AR: variants seen among roughly 807,000 people sequenced by gnomAD.
AR encodes the protein androgen receptor, also known as dihydrotestosterone receptor.
AR carries 8 observed loss-of-function variants against 53.9 expected under a neutral mutation model. The observed-to-expected ratio is 0.15, with a 90% CI of 0.09 to 0.27. The LOEUF (loss-of-function observed/expected upper bound fraction) is 0.27. AR is among the 10% of genes least tolerant of loss of function. The pLI, the probability that AR is intolerant of heterozygous loss-of-function variation, is 1.00. For missense variants in AR, 639 were observed against 742.5 expected (o/e 0.86, Z 1.62); for synonymous variants, 359 against 316.4 (o/e 1.13, Z -1.43).
chrX:67,702,847 G>A (rs2076048247), intron 3 of AR, among the ~76,000 whole-genome samples: 1 of 112,024 alleles, frequency 8.9e-6, no homozygotes, highest in South Asian at 3.7e-4. Flanking sequence ...ACTTTGGGAG[G>A]CCGAGATGGG....
rs1376562492 is a variant in AR at position 67,728,767 on chromosome X, C to T, written c.*4926C>T. 1 of 153,548 alleles carries T rather than the reference C, an allele frequency of 6.5e-6. No homozygotes were observed. The highest frequency in any genetic ancestry group is 9.5e-5 in the East Asian group (1 of 10,529). 12.7% of individuals were successfully genotyped at this position (153,548 alleles called of 1,213,427 possible). A position where few individuals can be genotyped will look rare whatever the true frequency, so the allele number is the denominator to read the frequency against. Reference sequence around the variant, plus strand: ...CAAGACACCTGGATTGATCAGTTAACTAAAAGTTTTCTCCCCTATTGGGTT... The same window carrying T: ...CAAGACACCTGGATTGATCAGTTAATTAAAAGTTTTCTCCCCTATTGGGTT... On this transcript the variant is annotated 3_prime_UTR_variant, in exon 8 of 8. Transcript: ENST00000374690.
intron 3 of AR, among the ~76,000 whole-genome samples, chrX:67,692,749 T>C (rs1602259948): frequency 1.8e-5 from 2 of 112,096 alleles, no homozygotes; most frequent in South Asian, 7.5e-4. Context: ...AGCCCTTCTT[T>C]TGTGGATGAA....
At chrX:67,643,745 T>G (rs185356762) in intron 2 of AR, among the ~76,000 whole-genome samples, 1 of 111,999 alleles carries the variant, frequency 8.9e-6, no homozygotes, top group African/African-American at 3.2e-5. Flanking sequence ...AAGGAAAAAT[T>G]TGTCCTTATT....
At chrX:67,705,873 C>T (rs1250047653) in intron 3 of AR, among the ~76,000 whole-genome samples, 1 of 111,484 alleles carries the variant, frequency 9.0e-6, no homozygotes, top group Non-Finnish European at 1.9e-5. Flanking sequence ...TGAATTTTGT[C>T]AAAGGCCTTT....
At chrX:67,670,764 T>G (rs977207566) in intron 2 of AR, among the ~76,000 whole-genome samples, 1 of 110,407 alleles carries the variant, frequency 9.1e-6, no homozygotes, top group Admixed American at 9.7e-5. Flanking sequence ...CCCCACTCCC[T>G]GACAGGCCCT....
intron 3 of AR, among the ~76,000 whole-genome samples, chrX:67,707,262 T>C (rs1234282592): frequency 8.9e-6 from 1 of 111,881 alleles, no homozygotes; most frequent in African/African-American, 3.3e-5. Flanking sequence ...CCTTGATTAT[T>C]GTGTGGGAGT....
intron 2 of AR, among the ~76,000 whole-genome samples, chrX:67,661,068 C>A (rs1926884162): frequency 9.0e-6 from 1 of 111,638 alleles, no homozygotes; most frequent in Non-Finnish European, 1.9e-5. Context: ...GATTTTGTAT[C>A]CTGAGACTTT....
At chrX:67,592,439 T>C (rs1045609077) in intron 1 of AR, among the ~76,000 whole-genome samples, 1 of 111,636 alleles carries the variant, frequency 9.0e-6, no homozygotes, top group African/African-American at 3.3e-5. Context: ...AAATATGATT[T>C]GATTATGTAC....
chrX:67,712,741 G>A (rs1026624187), intron 4 of AR, among the ~76,000 whole-genome samples: 1 of 111,904 alleles, frequency 8.9e-6, no homozygotes, highest in Non-Finnish European at 1.9e-5. Flanking sequence ...GCCCTTTAAA[G>A]GTTCTCCTAA....
At chrX:67,592,222 TC>T (rs1158263917) in intron 1 of AR, among the ~76,000 whole-genome samples, 1 of 112,074 alleles carries the variant, frequency 8.9e-6, no homozygotes, top group Admixed American at 9.5e-5. Flanking sequence ...AATTGCAGCC[TC>T]TGCTGCAAAT....
intron 2 of AR, among the ~76,000 whole-genome samples, chrX:67,680,340 C>G: frequency 1.8e-5 from 2 of 111,868 alleles, no homozygotes; most frequent in Middle Eastern, 9.2e-3. Flanking sequence ...TCACAAATAT[C>G]TTGGCATTGT....
intron 1 of AR, among the ~76,000 whole-genome samples, chrX:67,559,590 C>T (rs901223899): frequency 7.1e-5 from 8 of 112,175 alleles, no homozygotes; most frequent in Non-Finnish European, 1.3e-4. Context: ...AAGCAGGCTA[C>T]TGCAAAAATC....
rs767865471 is a variant in AR, at chrX:67,548,862, A to G, written c.1616+2100A>G. On this transcript the variant is annotated intron_variant, in intron 1 of 7. Transcript: ENST00000374690. The stretch of plus-strand genomic sequence containing the variant: ...TGACATAAACTAATGAGAATTTAGC[A>G]GTTCCTGCAGAAAGTACAAGTTTAT... Among the ~76,000 whole-genome samples the G allele has an allele frequency of 3.6e-5, 4 of 111,749 alleles. No individual in the cohort carries two copies. In the East Asian group the frequency reaches 1.1e-3, roughly 31 times the overall value.
chrX:67,631,458 A>T lies in AR; in HGVS notation c.1617-11798A>T, dbSNP rs191835593. 1.5e-4 allele frequency among the ~76,000 whole-genome samples: 17 copies of T among 111,721 alleles called. No homozygotes were observed. In the East Asian group the frequency reaches 4.8e-3, roughly 32 times the overall value. On this transcript the variant is annotated intron_variant, in intron 1 of 7. Coordinates refer to ENST00000374690, the MANE Select transcript of AR (RefSeq NM_000044.6). ...GGCTCCTGAGGTTTCTGCATTCTTC[A>T]CGTAGTTCTCGAGCCTTAGTTTTCA...
intron 1 of AR, among the ~76,000 whole-genome samples, chrX:67,579,898 G>A (rs1922214439): frequency 9.0e-6 from 1 of 111,260 alleles, no homozygotes; most frequent in Non-Finnish European, 1.9e-5. Flanking sequence ...ACAACAAAAT[G>A]GCAGCACCCA....
In AR at chrX:67,725,686, T is replaced by A. The variant is rs954814486; in HGVS notation, c.*1845T>A. 6 of 173,934 alleles carry A rather than the reference T, an allele frequency of 3.4e-5. No individual in the cohort carries two copies. Among genetic ancestry groups the A allele is most frequent in the Non-Finnish European group, 5.5e-5 (5 of 91,431 alleles). 14.3% of individuals were successfully genotyped at this position (173,934 alleles called of 1,213,427 possible). A position where few individuals can be genotyped will look rare whatever the true frequency, so the allele number is the denominator to read the frequency against. On this transcript the variant is annotated 3_prime_UTR_variant, in exon 8 of 8. Transcript: ENST00000374690. The stretch of plus-strand genomic sequence containing the variant: ...TGCTGCTGATTCTGGGCTCTGACAT[T>A]GCCCATACTCACTCAGATTCCCCAC...
rs1203659138 is a variant in AR at position 67,545,848 on chromosome X, C to T, written c.702C>T (p.Asp234=). ...NYLGGTSTIS[D]NAKELCKAVS... ...TAGGGGGCACTTCGACCATTTCTGA[C>T]AACGCCAAGGAGTTGTGTAAGGCAG... The change falls in exon 1 of 8, where the codon GAC becomes GAT. Residue 234 remains aspartate, a synonymous_variant. Coordinates refer to ENST00000374690, the MANE Select transcript of AR (RefSeq NM_000044.6). 3.3e-6 allele frequency: 4 copies of T among 1,210,773 alleles called. No individual in the cohort carries two copies. The highest frequency in any genetic ancestry group is 4.5e-6 in the Non-Finnish European group (4 of 895,388).
intron 1 of AR, among the ~76,000 whole-genome samples, chrX:67,584,705 TG>T (rs1481410128): frequency 8.9e-6 from 1 of 112,140 alleles, no homozygotes; most frequent in East Asian, 2.8e-4. Flanking sequence ...GTAGAAAGGT[TG>T]GGAAAATATA....
At chrX:67,630,841 A>G (rs1466764381) in intron 1 of AR, among the ~76,000 whole-genome samples, 20 of 110,009 alleles carry the variant, frequency 1.8e-4, no homozygotes, top group Non-Finnish European at 2.8e-4. Flanking sequence ...CCTGGTGGTG[A>G]CAAAATCTCT....
Sources: gnomAD v4.1 joint callset for allele counts (sites outside exome capture counted in the v4.1 genomes callset) on GRCh38, gnomAD v4.1.1 for gene constraint, MANE v1.5 for transcripts, NCBI Gene and HGNC (gene_info 2026-07-23, HGNC 2026-07-21) for gene names.